ABHD12B: variants seen among roughly 807,000 people sequenced by gnomAD.
ABHD12B encodes protein ABHD12B.
A neutral mutation model predicts 50.4 loss-of-function variants in ABHD12B; 42 were observed. That is an observed-to-expected ratio of 0.83 (90% CI 0.65 to 1.08). ABHD12B has a LOEUF of 1.08. Ranked by LOEUF, ABHD12B falls within the 50% of genes least tolerant of loss-of-function variation. ABHD12B has a pLI of 0.00. For synonymous variants in ABHD12B, 167 were observed against 160.3 expected, an observed-to-expected ratio of 1.04 and a Z score of -0.32; for missense variants, 479 against 447.7, an observed-to-expected ratio of 1.07 and a Z score of -0.63.
Position 50,878,791 on chromosome 14 carries a change from T to G in ABHD12B, c.279T>G (p.Ile93Met). The change falls in exon 3 of 13, where the codon ATT becomes ATG. Residue 93 changes from isoleucine (I) to methionine (M), a missense_variant. Coordinates refer to ENST00000337334, the MANE Select transcript of ABHD12B (RefSeq NM_001206673.2). ...LVDLKKPELK[I>M]PHTVNFYLRV... ...ATTTAAAGAAACCAGAGTTAAAGAT[T>G]CCTCACACAGTGAACTTCTACCTGA... 1.2e-6 allele frequency: 2 copies of G among 1,614,008 alleles called. No homozygotes were observed. The highest frequency in any genetic ancestry group is 4.5e-5 in the East Asian group (2 of 44,890).
At chr14:50,901,560 T>C (rs2050260089) in intron 9 of ABHD12B, among the ~76,000 whole-genome samples, 1 of 152,262 alleles carries the variant, frequency 6.6e-6, no homozygotes. Flanking sequence ...TAAGAGTTAG[T>C]TGTGCCATTT....
intron 9 of ABHD12B, chr14:50,895,541 G>T (rs1007344724): frequency 1.3e-5 from 2 of 152,012 alleles, no homozygotes; most frequent in African/African-American, 4.8e-5. Flanking sequence ...ACTGAAAATC[G>T]GACTGTTCAA....
intron 9 of ABHD12B, among the ~76,000 whole-genome samples, chr14:50,896,736 T>A (rs1204567658): frequency 6.6e-6 from 1 of 152,070 alleles, no homozygotes; most frequent in African/African-American, 2.4e-5. Flanking sequence ...TCCATTACCT[T>A]CCCAAATCCT....
intron 5 of ABHD12B, among the ~76,000 whole-genome samples, chr14:50,882,940 C>T (rs1438432000): frequency 1.5e-5 from 2 of 136,680 alleles, no homozygotes; most frequent in Non-Finnish European, 3.1e-5. Context: ...CACCACACTG[C>T]AGCCTGAATG....
At chr14:50,901,935 G>A in intron 10 of ABHD12B, 24 bp downstream of exon 10, 1 of 1,500,368 alleles carries the variant, frequency 6.7e-7, no homozygotes, top group Non-Finnish European at 9.1e-7. Context: ...GAAAAGACAT[G>A]CATTATTACT....
intron 10 of ABHD12B, among the ~76,000 whole-genome samples, chr14:50,902,450 C>G (rs1423041584): frequency 6.6e-6 from 1 of 152,198 alleles, no homozygotes; most frequent in East Asian, 1.9e-4. Flanking sequence ...TGCCACTGCA[C>G]TCCAGCCTGT....
chr14:50,882,904 G>T (rs931865000), intron 5 of ABHD12B, among the ~76,000 whole-genome samples: 24 of 149,222 alleles, frequency 1.6e-4, no homozygotes, highest in African/African-American at 5.4e-4. Context: ...CTGGGAGTTT[G>T]AGGCTGCAAT....
chr14:50,882,679 C>G (rs145747723), intron 5 of ABHD12B, among the ~76,000 whole-genome samples: 58 of 151,898 alleles, frequency 3.8e-4, no homozygotes, highest in African/African-American at 1.3e-3. Context: ...CGCGCCCACC[C>G]AGAATGTCTG....
chr14:50,895,044 C>T (rs1229178821), intron 9 of ABHD12B, among the ~76,000 whole-genome samples: 2 of 149,742 alleles, frequency 1.3e-5, no homozygotes, highest in African/African-American at 2.6e-5. Flanking sequence ...AAGGTTAATG[C>T]TCCTTTTTCT....
chr14:50,896,625 A>G (rs2050203124), intron 9 of ABHD12B, among the ~76,000 whole-genome samples: 1 of 138,186 alleles, frequency 7.2e-6, no homozygotes. Flanking sequence ...TGAGTGATTA[A>G]CCCTGCGAAT....
Position 50,884,718 on chromosome 14 carries a change from T to C in ABHD12B, c.487-896T>C, listed in dbSNP as rs1163084286. On this transcript the variant is annotated intron_variant, in intron 5 of 12. Coordinates refer to ENST00000337334, the MANE Select transcript of ABHD12B (RefSeq NM_001206673.2). ...GTATTTCTTCTTTTTTTTTTTTTTT[T>C]TTTTTTTTTTTTTTTTGAGACAGAG... 1.4e-4 allele frequency among the ~76,000 whole-genome samples: 19 copies of C among 136,938 alleles called. 4 individuals carry two copies. The highest frequency in any genetic ancestry group is 2.6e-4 in the African/African-American group (9 of 35,222). 89.8% of individuals were successfully genotyped at this position (136,938 alleles called of 152,430 possible).
At chr14:50,895,493 G>C (rs1173075143) in intron 9 of ABHD12B, 1 of 152,156 alleles carries the variant, frequency 6.6e-6, no homozygotes, top group Non-Finnish European at 1.5e-5. Flanking sequence ...CGCAGCCCGG[G>C]ATTCCTCCTA....
intron 5 of ABHD12B, among the ~76,000 whole-genome samples, chr14:50,882,497 C>T (rs1266446556): frequency 6.7e-6 from 1 of 149,304 alleles, no homozygotes; most frequent in South Asian, 2.1e-4. Context: ...CTGCCTCAGC[C>T]TCCCAAGTAG....
Position 50,902,219 on chromosome 14 carries a change from A to C in ABHD12B, c.863+308A>C, listed in dbSNP as rs142007190. On this transcript the variant is annotated intron_variant, in intron 10 of 12. Transcript: ENST00000337334. ...TTAAAGGGCTTGGTAGTGTTAGCGT[A>C]TGCCTATAATCCTAGCACTTTGGGA... is the stretch of plus-strand genomic sequence containing the variant. Among the ~76,000 whole-genome samples, 486 of 152,286 alleles carry C rather than the reference A, an allele frequency of 3.2e-3. 4 individuals carry two copies. The highest frequency in any genetic ancestry group is 0.011 in the African/African-American group (470 of 41,538).
chr14:50,874,938 C>G (rs143330856), intron 1 of ABHD12B, among the ~76,000 whole-genome samples: 1 of 152,212 alleles, frequency 6.6e-6, no homozygotes, highest in Non-Finnish European at 1.5e-5. Flanking sequence ...CTGAAGCTAC[C>G]AATAAATGTT....
chr14:50,885,784 G>C lies in ABHD12B; in HGVS notation c.551G>C (p.Gly184Ala). The C allele has an allele frequency of 6.2e-7, 1 of 1,614,164 alleles. No homozygotes were observed. Among genetic ancestry groups the C allele is most frequent in the Non-Finnish European group, 8.5e-7 (1 of 1,180,030 alleles). ...CTGCCAGGATTTGGGGACTCTACAG[G>C]TAAGCCCACAGAGGAGGGACTGACT... The part of the protein sequence containing the change: ...VDYRGFGDST[G>A]KPTEEGLTTD... Residue 184 changes from glycine (G) to alanine (A), a missense_variant, in exon 7 of 13, where the codon GGT becomes GCT. By Grantham distance (60) the Gly-to-Ala change is moderately conservative. Transcript: ENST00000337334.
chr14:50,888,208 CT>C (rs11452625), intron 8 of ABHD12B, among the ~76,000 whole-genome samples: 36 of 142,198 alleles, frequency 2.5e-4, no homozygotes, highest in Admixed American at 6.3e-4. Flanking sequence ...TGCTTTCTTT[CT>C]TTTTTTTTTT....
At chr14:50,880,024 T>A (rs1277208310) in intron 3 of ABHD12B, among the ~76,000 whole-genome samples, 1 of 152,260 alleles carries the variant, frequency 6.6e-6, no homozygotes, top group Non-Finnish European at 1.5e-5. Context: ...GTTTAGTGTT[T>A]TAGTTCTTTT....
chr14:50,904,753 A>G lies in ABHD12B; in HGVS notation c.*387A>G. On this transcript the variant is annotated 3_prime_UTR_variant, in exon 13 of 13. Coordinates refer to ENST00000337334, the MANE Select transcript of ABHD12B (RefSeq NM_001206673.2). ...ACCTAATCACCAGTGTGATGGTAATAGGAGGTGGGACTGAGCTCTGATGAA... is the reference window on the plus strand; with the variant it reads ...ACCTAATCACCAGTGTGATGGTAATGGGAGGTGGGACTGAGCTCTGATGAA... The G allele has an allele frequency of 3.2e-6, 1 of 315,116 alleles. No individual in the cohort carries two copies. Among genetic ancestry groups the G allele is most frequent in the Middle Eastern group, 1.1e-3 (1 of 894 alleles). The allele number at this position is 315,116 out of a possible 1,614,324, so 19.5% of individuals were successfully genotyped here.
Sources: gnomAD v4.1 joint callset for allele counts (sites outside exome capture counted in the v4.1 genomes callset) on GRCh38, gnomAD v4.1.1 for gene constraint, MANE v1.5 for transcripts, NCBI Gene and HGNC (gene_info 2026-07-23, HGNC 2026-07-21) for gene names.